COL5A2: variants seen among roughly 807,000 people sequenced by gnomAD.
The protein encoded by COL5A2 is collagen type V alpha 2 chain.
In COL5A2, 23 loss-of-function variants were observed where a neutral mutation model predicts 208.2. That is an observed-to-expected ratio of 0.11 (90% CI 0.08 to 0.16). The LOEUF is 0.16. Among genes scored for constraint, COL5A2 ranks in the 10% least tolerant of loss-of-function variants. COL5A2 has a pLI of 1.00. For missense variants in COL5A2, 1,590 were observed against 1,956.4 expected (o/e 0.81, Z 3.53); for synonymous variants, 625 against 628.5 (o/e 0.99, Z 0.08).
chr2:189,217,605 T>G (rs979569794), intron 1 of COL5A2, among the ~76,000 whole-genome samples: 1 of 152,186 alleles, frequency 6.6e-6, no homozygotes, highest in African/African-American at 2.4e-5. Context: ...CCCATTTTAC[T>G]GACCGAAGCA....
the COL5A2 span, among the ~76,000 whole-genome samples, chr2:189,348,723 G>A: frequency 6.6e-6 from 1 of 152,192 alleles, no homozygotes; most frequent in African/African-American, 2.4e-5. Context: ...GTTAATTGCT[G>A]TAACTCATAA....
At chr2:189,077,785 C>T (rs887308111) in intron 16 of COL5A2, among the ~76,000 whole-genome samples, 1 of 151,938 alleles carries the variant, frequency 6.6e-6, no homozygotes, top group Non-Finnish European at 1.5e-5. Flanking sequence ...GAGGTAATAG[C>T]AGAGACAGTG....
the COL5A2 span, among the ~76,000 whole-genome samples, chr2:189,349,055 C>A: frequency 2.0e-5 from 3 of 152,066 alleles, no homozygotes; most frequent in Admixed American, 6.6e-5. Context: ...CATAATCTCC[C>A]AACATTCTCC....
chr2:189,320,092 G>A, the COL5A2 span, among the ~76,000 whole-genome samples: 1 of 152,238 alleles, frequency 6.6e-6, no homozygotes, highest in Admixed American at 6.5e-5. Flanking sequence ...CAACAGACCT[G>A]CAGCTGAGGA....
At chr2:189,384,443 C>T in the COL5A2 span, among the ~76,000 whole-genome samples, 1 of 152,034 alleles carries the variant, frequency 6.6e-6, no homozygotes, top group Non-Finnish European at 1.5e-5. Flanking sequence ...TTGATAAAAG[C>T]CATTTTAACT....
chr2:189,078,527 G>C lies in COL5A2; in HGVS notation c.1048C>G (p.Gln350Glu), dbSNP rs769039275. Residue 350 changes from glutamine (Q) to glutamate (E), a missense_variant, in exon 16 of 54, where the codon CAG becomes GAG. Transcript: ENST00000374866. ...GCAGATATACTTACAGGAGCACCCT[G>C]TGGCCCAAGTCTCCCTCTCTCTCCT... ...MPGERGRLGP[Q>E]GAPGQRGAHG... 1.9e-6 allele frequency: 3 copies of C among 1,611,934 alleles called. No homozygotes were observed. The East Asian group carries it at 6.7e-5, about 36-fold the overall frequency.
rs145512289 is a variant in COL5A2, at chr2:189,184,991, G to A, written c.-42+40157C>T. Among the ~76,000 whole-genome samples the A allele has an allele frequency of 1.6e-4, 25 of 151,740 alleles. No individual in the cohort carries two copies. In the East Asian group the frequency reaches 1.9e-3, roughly 12 times the overall value. ...AAATGCAATGAGAAATCAACAAAGC[G>A]TTGTTATACAAACAAATGGCATACT... On this transcript the variant is annotated intron_variant, in intron 1 of 10. Transcript: ENST00000649966.
At chr2:189,082,881 T>A (rs1318824744) in intron 12 of COL5A2, among the ~76,000 whole-genome samples, 9 of 152,238 alleles carry the variant, frequency 5.9e-5, no homozygotes, top group Admixed American at 5.9e-4. Context: ...CATGTCTCTG[T>A]CTGCATTTAT....
At chr2:189,413,582 G>A in the COL5A2 span, among the ~76,000 whole-genome samples, 4 of 152,004 alleles carry the variant, frequency 2.6e-5, no homozygotes, top group Non-Finnish European at 4.4e-5. Context: ...AGAAATTTAC[G>A]CTCATTAGAA....
intron 1 of COL5A2, among the ~76,000 whole-genome samples, chr2:189,162,967 T>A (rs549943569): frequency 7.2e-5 from 11 of 152,208 alleles, no homozygotes; most frequent in African/African-American, 2.6e-4. Flanking sequence ...AAATCAAATT[T>A]TCTAAATATT....
chr2:189,096,659 T>C (rs1686923103), intron 6 of COL5A2, among the ~76,000 whole-genome samples: 1 of 151,378 alleles, frequency 6.6e-6, no homozygotes, highest in South Asian at 2.1e-4. Flanking sequence ...GTTGTAACTC[T>C]AACACTTGAG....
chr2:189,113,894 T>C (rs1468442659), intron 1 of COL5A2, among the ~76,000 whole-genome samples: 1 of 152,060 alleles, frequency 6.6e-6, no homozygotes, highest in African/African-American at 2.4e-5. Flanking sequence ...ATCTTCTTCC[T>C]TGTGGCTCCT....
chr2:189,440,193 G>A, the COL5A2 span, among the ~76,000 whole-genome samples: 3 of 152,154 alleles, frequency 2.0e-5, no homozygotes, highest in African/African-American at 4.8e-5. Context: ...GCTGTCCCAG[G>A]ATATGTCTTG....
At chr2:189,142,475 G>A (rs907405012) in intron 1 of COL5A2, among the ~76,000 whole-genome samples, 4 of 151,982 alleles carry the variant, frequency 2.6e-5, no homozygotes, top group African/African-American at 9.7e-5. Context: ...ATAATTGAAT[G>A]CACTTATTAA....
In COL5A2 at chr2:189,036,662, T is replaced by C. The variant is rs140952583; in HGVS notation, c.4067A>G (p.Asp1356Gly). Reference sequence around the variant, plus strand: ...AAGACCATACCAAACAGGTTTATTGTCAGGAGATTTACTGGCCCACCAGGT... The same window carrying C: ...AAGACCATACCAAACAGGTTTATTGCCAGGAGATTTACTGGCCCACCAGGT... ...RKTWWASKSP[D>G]NKPVWYGLDM... The change falls in exon 52 of 54, where the codon GAC becomes GGC. Residue 1356 changes from aspartate (D) to glycine (G), a missense_variant. Asp to Gly is a moderately conservative substitution (Grantham distance 94, BLOSUM62 -1). Coordinates refer to ENST00000374866, the MANE Select transcript of COL5A2 (RefSeq NM_000393.5). 4.9e-4 allele frequency: 792 copies of C among 1,613,848 alleles called. No homozygotes were observed. Among genetic ancestry groups the C allele is most frequent in the Admixed American group, 6.7e-4 (40 of 60,016 alleles).
At chr2:189,036,985 G>A (rs1336623826) in intron 51 of COL5A2, among the ~76,000 whole-genome samples, 182 bp from the exon 52 acceptor site, 3 of 152,036 alleles carry the variant, frequency 2.0e-5, no homozygotes, top group South Asian at 2.1e-4. Context: ...CATTCTAGTC[G>A]CTATTGTAAG....
the COL5A2 span, among the ~76,000 whole-genome samples, chr2:189,371,177 G>C: frequency 6.6e-6 from 1 of 152,100 alleles, no homozygotes; most frequent in East Asian, 1.9e-4. Flanking sequence ...AGCTTCCTGA[G>C]ACCTCACCAG....
chr2:189,408,962 T>A, the COL5A2 span, among the ~76,000 whole-genome samples: 1 of 152,204 alleles, frequency 6.6e-6, no homozygotes, highest in Non-Finnish European at 1.5e-5. Flanking sequence ...GTATAATTTT[T>A]GTGACTATAG....
chr2:189,402,738 T>C, the COL5A2 span, among the ~76,000 whole-genome samples: 3 of 152,186 alleles, frequency 2.0e-5, no homozygotes, highest in Non-Finnish European at 4.4e-5. Context: ...CTGTATTCTA[T>C]TCCATTGGTC....
Sources: allele counts gnomAD v4.1 joint callset (sites outside exome capture counted in the v4.1 genomes callset), GRCh38; gene constraint gnomAD v4.1.1; transcripts MANE v1.5; gene names NCBI Gene and HGNC (gene_info 2026-07-23, HGNC 2026-07-21).